SRRM3: variants seen among roughly 807,000 people sequenced by gnomAD.
SRRM3 encodes the protein serine/arginine repetitive matrix 3.
Under a neutral mutation model 66.2 loss-of-function variants are expected in SRRM3, and 27 were observed. The ratio of observed to expected loss-of-function variants is 0.41; its 90% CI spans 0.30 to 0.56. The LOEUF (loss-of-function observed/expected upper bound fraction) is 0.56, where lower values mean the gene tolerates loss of function less well. Among genes scored for constraint, SRRM3 ranks in the 20% least tolerant of loss-of-function variants. SRRM3 has a pLI of 0.32. For synonymous variants in SRRM3, 391 were observed against 414.9 expected (o/e 0.94, Z 0.70); for missense variants, 918 against 991.9 (o/e 0.93, Z 1.00).
At chr7:76,249,698 C>G (rs1472979006) in intron 3 of SRRM3, among the ~76,000 whole-genome samples, 2 of 152,164 alleles carry the variant, frequency 1.3e-5, no homozygotes, top group Non-Finnish European at 2.9e-5. Flanking sequence ...TGAGCCTTCC[C>G]CTTGTTCACC....
In SRRM3 at chr7:76,281,710, C is replaced by T; in HGVS notation, c.1278C>T (p.Ala426=). 8.4e-7 allele frequency: 1 copy of T among 1,196,884 alleles called. No homozygotes were observed. The allele number at this position is 1,196,884 out of a possible 1,614,324, so 74.1% of individuals were successfully genotyped here. ...GCTCGTCGCGCTCGCTCAGCAGGGC[C>T]CGCTCCAGCAGCGACTCCGGCAGCG... ...PRGSSRSLSR[A]RSSSDSGSGR... The change falls in exon 12 of 15, where the codon GCC becomes GCT. Residue 426 remains alanine (A), a synonymous_variant. Coordinates refer to ENST00000611745, the MANE Select transcript of SRRM3 (RefSeq NM_001110199.3).
Position 76,248,088 on chromosome 7 carries a change from T to C in SRRM3, c.234-100T>C, listed in dbSNP as rs1376478066. 19 of 870,396 alleles carry C rather than the reference T, an allele frequency of 2.2e-5. No homozygotes were observed. The South Asian group carries it at 2.8e-4, about 13-fold the overall frequency. 53.9% of individuals were successfully genotyped at this position (870,396 alleles called of 1,614,324 possible). ...GGTTATTGCAAGCCGGAGTGTGCAC[T>C]TGTGACCCAGGGGTTGGCGGGGCTG... is the stretch of plus-strand genomic sequence containing the variant. On this transcript the variant is annotated intron_variant, in intron 2 of 14. Coordinates refer to ENST00000611745, the MANE Select transcript of SRRM3 (RefSeq NM_001110199.3).
At chr7:76,244,697 TCCTCAAGA>T (rs1801393822) in intron 2 of SRRM3, among the ~76,000 whole-genome samples, 1 of 152,128 alleles carries the variant, frequency 6.6e-6, no homozygotes, top group South Asian at 2.1e-4. Flanking sequence ...TCGCCCTTCA[TCCTCAAGA>T]CCTCTCTCCC....
chr7:76,235,195 G>A lies in SRRM3; in HGVS notation c.129G>A (p.Glu43=), dbSNP rs781823882. 6.5e-6 allele frequency: 10 copies of A among 1,549,830 alleles called. No homozygotes were observed. Among genetic ancestry groups the A allele is most frequent in the Non-Finnish European group, 8.6e-6 (10 of 1,156,140 alleles). Residue 43 remains glutamate (E), a synonymous_variant, in exon 2 of 15, where the codon GAG becomes GAA. Coordinates refer to ENST00000611745, the MANE Select transcript of SRRM3 (RefSeq NM_001110199.3). ...PRAEEELRAA[E]PGLVKRAHRE... is the part of the protein sequence containing the mutation. ...CGGAAGAGGAGCTGCGCGCCGCGGA[G>A]CCGGGCCTGGTGAAGCGCGCGCACC... is the stretch of plus-strand genomic sequence containing the variant.
intron 2 of SRRM3, among the ~76,000 whole-genome samples, chr7:76,244,781 T>C (rs551754699): frequency 2.6e-5 from 4 of 152,322 alleles, no homozygotes; most frequent in African/African-American, 9.6e-5. Flanking sequence ...CTGCCTCCAG[T>C]TCTCTCTTCT....
chr7:76,238,557 G>A (rs896041300), intron 2 of SRRM3, among the ~76,000 whole-genome samples: 6 of 151,710 alleles, frequency 4.0e-5, no homozygotes, highest in African/African-American at 9.7e-5. Flanking sequence ...TGCAATCACC[G>A]CGGGGCGGGA....
rs1297681928 is a variant in SRRM3, at chr7:76,225,000, C to T, written c.-39-10028C>T. On this transcript the variant is annotated intron_variant, in intron 1 of 14. Transcript: ENST00000611745. ...ACTGAAGGTAATGGGACCAGCCCAC[C>T]TTCGCCCCGGTCTATTACCGAAGTC... Among the ~76,000 whole-genome samples the T allele has an allele frequency of 7.2e-5, 11 of 152,192 alleles. No homozygotes were observed. The East Asian group carries it at 1.2e-3, about 16-fold the overall frequency.
chr7:76,271,479 C>T (rs1802212230), intron 11 of SRRM3, among the ~76,000 whole-genome samples: 1 of 151,158 alleles, frequency 6.6e-6, no homozygotes, highest in African/African-American at 2.4e-5. Flanking sequence ...CCTGTCACTA[C>T]AAAAATTTAA....
At chr7:76,274,241 C>T (rs953257676) in intron 11 of SRRM3, among the ~76,000 whole-genome samples, 6 of 152,274 alleles carry the variant, frequency 3.9e-5, no homozygotes, top group Admixed American at 2.6e-4. Context: ...CCTTGGGGGC[C>T]TACTGGGCCA....
At chr7:76,268,360 G>A (rs1454370814) in intron 11 of SRRM3, 1 of 150,582 alleles carries the variant, frequency 6.6e-6, no homozygotes, top group Non-Finnish European at 1.5e-5. Flanking sequence ...CAGAGAGAGG[G>A]GGCTGCAGTG....
At chr7:76,269,246 T>C (rs1161170241) in intron 11 of SRRM3, 1 of 152,176 alleles carries the variant, frequency 6.6e-6, no homozygotes, top group Non-Finnish European at 1.5e-5. Context: ...CCTGGGAGTT[T>C]TCTTGGAGAC....
chr7:76,209,395 C>T (rs187137622), intron 1 of SRRM3, among the ~76,000 whole-genome samples: 1 of 152,254 alleles, frequency 6.6e-6, no homozygotes, highest in Non-Finnish European at 1.5e-5. Flanking sequence ...GGTGACATTT[C>T]AGTTGGGCCT....
At chr7:76,229,324 T>C (rs1800957296) in intron 1 of SRRM3, among the ~76,000 whole-genome samples, 1 of 152,174 alleles carries the variant, frequency 6.6e-6, no homozygotes, top group East Asian at 1.9e-4. Flanking sequence ...ATGTTCCAAA[T>C]ATAAAATTCA....
At chr7:76,264,898 A>G in intron 9 of SRRM3, 83 bp downstream of exon 9, 1 of 1,416,770 alleles carries the variant, frequency 7.1e-7, no homozygotes, top group Non-Finnish European at 9.8e-7. Flanking sequence ...TCACAGAATC[A>G]GGCCATTAAA....
intron 7 of SRRM3, 25 bp from the exon 8 acceptor site, chr7:76,261,521 A>G: frequency 6.2e-7 from 1 of 1,610,366 alleles, no homozygotes; most frequent in Non-Finnish European, 8.5e-7. Flanking sequence ...GGCAGGCTCA[A>G]GAGAACTCCT....
Position 76,260,011 on chromosome 7 carries a change from C to A in SRRM3, c.441C>A (p.Cys147Ter), listed in dbSNP as rs1801812901. Residue 147 changes from cysteine (C) to a stop codon, truncating the protein, a stop_gained, in exon 4 of 15, where the codon TGC (cysteine) becomes TGA (stop). Transcript: ENST00000611745. LOFTEE classifies it high-confidence loss of function. The stretch of plus-strand genomic sequence containing the variant: ...TGGACTGTGACTGCCCGGCCTCCTG[C>A]TACCGCGGCCACCGCGGGTACAGGT... ...GPVDCDCPAS[C>*]YRGHRGYRTK... 6.3e-7 allele frequency: 1 copy of A among 1,577,604 alleles called. No individual in the cohort carries two copies.
At chr7:76,259,349 C>T (rs999132234) in intron 3 of SRRM3, among the ~76,000 whole-genome samples, 2 of 151,962 alleles carry the variant, frequency 1.3e-5, no homozygotes, top group South Asian at 4.2e-4. Context: ...AGAGATCAAA[C>T]GGGAGGATCG....
intron 2 of SRRM3, among the ~76,000 whole-genome samples, chr7:76,247,648 G>C (rs1342459889): frequency 6.6e-6 from 1 of 152,154 alleles, no homozygotes; most frequent in Non-Finnish European, 1.5e-5. Flanking sequence ...TCTTTTGTCT[G>C]TTTGTTGGTT....
At chr7:76,255,441 G>A (rs1801691499) in intron 3 of SRRM3, among the ~76,000 whole-genome samples, 1 of 150,886 alleles carries the variant, frequency 6.6e-6, no homozygotes, top group Non-Finnish European at 1.5e-5. Context: ...GAGCCACCAC[G>A]CCCAGCTATT....
Sources: gnomAD v4.1 joint callset for allele counts (sites outside exome capture counted in the v4.1 genomes callset) on GRCh38, gnomAD v4.1.1 for gene constraint, MANE v1.5 for transcripts, NCBI Gene and HGNC (gene_info 2026-07-23, HGNC 2026-07-21) for gene names.